The following KHDRBS3 variants were observed in gnomAD, a reference collection of about 807,000 sequenced individuals.
KHDRBS3 encodes KH RNA binding domain containing, signal transduction associated 3, also known as KH domain-containing, RNA-binding, signal transduction-associated protein 3.
KHDRBS3 carries 23 observed loss-of-function variants against 45.6 expected under a neutral mutation model. The observed-to-expected ratio is 0.50, with a 90% confidence interval of 0.36 to 0.72. The LOEUF (loss-of-function observed/expected upper bound fraction) is 0.72. Among genes scored for constraint, KHDRBS3 ranks in the 30% least tolerant of loss-of-function variants. The probability of loss-of-function intolerance (pLI) is 0.00; values close to 1 mark genes in which losing one functional copy is unlikely to be tolerated. For missense variants in KHDRBS3, 352 were observed against 424.8 expected (o/e 0.83, Z 1.51); for synonymous variants, 162 against 156.5 (o/e 1.04, Z -0.26).
intron 2 of KHDRBS3, among the ~76,000 whole-genome samples, chr8:135,527,127 A>G (rs1198736190): frequency 6.6e-6 from 1 of 152,308 alleles, no homozygotes; most frequent in South Asian, 2.1e-4. Flanking sequence ...GGCTCTGTCT[A>G]TACCTAGCAT....
At chr8:135,496,413 A>G (rs892390047) in intron 1 of KHDRBS3, among the ~76,000 whole-genome samples, 4 of 151,898 alleles carry the variant, frequency 2.6e-5, no homozygotes, top group South Asian at 4.2e-4. Flanking sequence ...TTGTATTTTT[A>G]GTAGAGATGG....
chr8:135,645,224 C>T lies in KHDRBS3; in HGVS notation c.949+107C>T, dbSNP rs1198046799. On this transcript the variant is annotated intron_variant, in intron 8 of 8. Transcript: ENST00000355849. Reference sequence around the variant, plus strand: ...TAAGGACATTTGGACTCTGAAACAGCAGCTTCCTGTCAATTCATTTGTGCA... The same window carrying T: ...TAAGGACATTTGGACTCTGAAACAGTAGCTTCCTGTCAATTCATTTGTGCA... 3 of 1,079,044 alleles carry T rather than the reference C, an allele frequency of 2.8e-6. No homozygotes were observed. In the Admixed American group the frequency reaches 5.5e-5, roughly 20 times the overall value. The allele number at this position is 1,079,044 out of a possible 1,614,324, so 66.8% of individuals were successfully genotyped here.
At chr8:135,630,450 G>A (rs1226047847) in intron 7 of KHDRBS3, among the ~76,000 whole-genome samples, 1 of 147,928 alleles carries the variant, frequency 6.8e-6, no homozygotes, top group Non-Finnish European at 1.5e-5. Flanking sequence ...GTGAAATGGG[G>A]TAATATCTAC....
chr8:135,560,236 A>G (rs1827104234), intron 5 of KHDRBS3, among the ~76,000 whole-genome samples: 1 of 152,104 alleles, frequency 6.6e-6, no homozygotes, highest in African/African-American at 2.4e-5. Context: ...CATCATAAGA[A>G]ATTATTTACC....
chr8:135,591,915 A>G (rs1373637098), intron 6 of KHDRBS3, among the ~76,000 whole-genome samples: 1 of 152,226 alleles, frequency 6.6e-6, no homozygotes, highest in Non-Finnish European at 1.5e-5. Flanking sequence ...AACTGCTTCA[A>G]TTATCTTGTT....
intron 3 of KHDRBS3, among the ~76,000 whole-genome samples, chr8:135,548,111 C>G (rs1250380870): frequency 6.6e-6 from 1 of 152,008 alleles, no homozygotes; most frequent in Admixed American, 6.6e-5. Context: ...AATGAATATG[C>G]GAACGAGCAA....
chr8:135,460,106 C>G (rs140318534), intron 1 of KHDRBS3, among the ~76,000 whole-genome samples: 1 of 152,184 alleles, frequency 6.6e-6, no homozygotes, highest in Non-Finnish European at 1.5e-5. Flanking sequence ...TGTTTTAAAT[C>G]TGAAGCTACA....
chr8:135,509,944 T>C (rs1159758675), intron 1 of KHDRBS3, among the ~76,000 whole-genome samples: 4 of 151,696 alleles, frequency 2.6e-5, no homozygotes, highest in African/African-American at 9.7e-5. Context: ...GAGATAAACT[T>C]AGGTACATTG....
chr8:135,480,369 G>A (rs981717510), intron 1 of KHDRBS3, among the ~76,000 whole-genome samples: 5 of 152,078 alleles, frequency 3.3e-5, no homozygotes, highest in African/African-American at 1.2e-4. Context: ...GTAATCTTGT[G>A]TATAGAAAAC....
Position 135,557,729 on chromosome 8 carries a change from C to G in KHDRBS3, c.611+142C>G, listed in dbSNP as rs754226075. 6 of 662,122 alleles carry G rather than the reference C, an allele frequency of 9.1e-6. No homozygotes were observed. In the African/African-American group the frequency reaches 1.1e-4, roughly 12 times the overall value. 41.0% of individuals were successfully genotyped at this position (662,122 alleles called of 1,614,324 possible). On this transcript the variant is annotated intron_variant, in intron 5 of 8. Coordinates refer to ENST00000355849, the MANE Select transcript of KHDRBS3 (RefSeq NM_006558.3). ...GCACATGCCTGTAGTCCCAGCTACT[C>G]GGGAATCTGAGGCCAGGAGTTCGAG... is the stretch of plus-strand genomic sequence containing the variant.
chr8:135,612,449 G>A (rs945224979), intron 7 of KHDRBS3, among the ~76,000 whole-genome samples: 4 of 151,776 alleles, frequency 2.6e-5, no homozygotes, highest in African/African-American at 9.7e-5. Flanking sequence ...ACTTTTACAT[G>A]AGATCCCTTC....
intron 6 of KHDRBS3, among the ~76,000 whole-genome samples, chr8:135,597,034 ATAATTAGATG>A (rs1456177126): frequency 3.3e-5 from 5 of 152,198 alleles, no homozygotes; most frequent in Non-Finnish European, 7.3e-5. Context: ...ATAAACTATA[ATAATTAGATG>A]TAATTAGATA....
At chr8:135,461,361 C>G (rs920056212) in intron 1 of KHDRBS3, among the ~76,000 whole-genome samples, 2 of 152,170 alleles carry the variant, frequency 1.3e-5, no homozygotes, top group Non-Finnish European at 1.5e-5. Context: ...CCTCAGCCTC[C>G]CAAAGTGCTG....
At chr8:135,538,524 T>A (rs1385297178) in intron 2 of KHDRBS3, 1 of 152,182 alleles carries the variant, frequency 6.6e-6, no homozygotes, top group Non-Finnish European at 1.5e-5. Flanking sequence ...CATCACTGTT[T>A]TTAGGTGCAC....
chr8:135,630,482 A>AATGTATGTATGTATGTATGTATGTATCT (rs11269726), intron 7 of KHDRBS3, among the ~76,000 whole-genome samples: 1 of 150,886 alleles, frequency 6.6e-6, no homozygotes, highest in Non-Finnish European at 1.5e-5. Context: ...TATAAAGTTT[A>AATGTATGTATGTATGTATGTATGTATCT]ATGTATGTAT....
At chr8:135,633,550 AAT>A (rs1169032655) in intron 7 of KHDRBS3, among the ~76,000 whole-genome samples, 1 of 152,244 alleles carries the variant, frequency 6.6e-6, no homozygotes, top group Admixed American at 6.5e-5. Context: ...TTCAGATTTT[AAT>A]AGTCTCTGTC....
At chr8:135,493,513 A>C (rs1823263379) in intron 1 of KHDRBS3, among the ~76,000 whole-genome samples, 1 of 152,048 alleles carries the variant, frequency 6.6e-6, no homozygotes, top group Admixed American at 6.6e-5. Flanking sequence ...GTAGTTGTTT[A>C]ATATTTTAAA....
intron 5 of KHDRBS3, among the ~76,000 whole-genome samples, chr8:135,563,839 A>G (rs1243133607): frequency 6.6e-6 from 1 of 152,014 alleles, no homozygotes; most frequent in African/African-American, 2.4e-5. Flanking sequence ...TTTTCCATTG[A>G]CCTTTGCTCT....
At chr8:135,509,835 T>C (rs975768343) in intron 1 of KHDRBS3, among the ~76,000 whole-genome samples, 20 of 152,164 alleles carry the variant, frequency 1.3e-4, no homozygotes, top group African/African-American at 4.8e-4. Flanking sequence ...TTCTGAGTAG[T>C]GTTTGGAATT....
Sources: gnomAD v4.1 joint callset for allele counts (sites outside exome capture counted in the v4.1 genomes callset) on GRCh38, gnomAD v4.1.1 for gene constraint, MANE v1.5 for transcripts, NCBI Gene and HGNC (gene_info 2026-07-23, HGNC 2026-07-21) for gene names.